Variants in ABCA9 observed in about 807,000 individuals in gnomAD.
The protein encoded by ABCA9 is ATP-binding cassette sub-family A member 9.
A neutral mutation model predicts 205.3 loss-of-function variants in ABCA9; 183 were observed. The ratio of observed to expected loss-of-function variants is 0.89; its 90% CI spans 0.79 to 1.01. ABCA9 has a LOEUF of 1.01. ABCA9 is among the 50% of genes least tolerant of loss of function. ABCA9 has a pLI of 0.00. For missense variants in ABCA9, 1,805 were observed against 1,912.4 expected (o/e 0.94, Z 1.05); for synonymous variants, 651 against 683.3 (o/e 0.95, Z 0.74).
rs1308919235 is a variant in ABCA9 at position 68,994,732 on chromosome 17, T to G, written c.3555+1163A>C. Among the ~76,000 whole-genome samples, 4 of 152,312 alleles carry G rather than the reference T, an allele frequency of 2.6e-5. No homozygotes were observed. In the East Asian group the frequency reaches 7.7e-4, roughly 29 times the overall value. On this transcript the variant is annotated intron_variant, in intron 26 of 38. Transcript: ENST00000340001. ...TTCATATTCTCTGATTATAATTTCA[T>G]ATTAAGCATGTGGAATGTCCCTGCT...
chr17:68,992,329 A>G, intron 27 of ABCA9, 63 bp from the exon 28 acceptor site: 1 of 1,056,948 alleles, frequency 9.5e-7, no homozygotes, highest in Non-Finnish European at 1.3e-6. Flanking sequence ...TCAATATTGG[A>G]ATTGATTTAA....
At chr17:69,007,238 TA>T (rs2070176220) in intron 25 of ABCA9, among the ~76,000 whole-genome samples, 1 of 152,062 alleles carries the variant, frequency 6.6e-6, no homozygotes, top group Non-Finnish European at 1.5e-5. Flanking sequence ...CCGTCTCTAC[TA>T]AAAATACAAA....
In ABCA9 at chr17:68,975,877, G is replaced by A. The variant is rs1228979990; in HGVS notation, c.*38C>T. 1.4e-6 allele frequency: 2 copies of A among 1,462,390 alleles called. No individual in the cohort carries two copies. The highest frequency in any genetic ancestry group is 9.5e-7 in the Non-Finnish European group (1 of 1,053,288). 90.6% of individuals were successfully genotyped at this position (1,462,390 alleles called of 1,614,324 possible). On this transcript the variant is annotated 3_prime_UTR_variant, in exon 39 of 39. Transcript: ENST00000340001. ...GCTATAAAATATTATCTTTAAAAGA[G>A]TCACAGGATTAAAGAAAGATATAGG...
chr17:68,996,229 CT>C (rs1446795510), intron 25 of ABCA9, among the ~76,000 whole-genome samples: 1 of 152,184 alleles, frequency 6.6e-6, no homozygotes, highest in Non-Finnish European at 1.5e-5. Context: ...AGTGATGCTT[CT>C]CAATCTCAAT....
intron 8 of ABCA9, 88 bp downstream of exon 8, chr17:69,035,158 G>A: frequency 9.0e-7 from 1 of 1,113,500 alleles, no homozygotes; most frequent in Non-Finnish European, 1.2e-6. Flanking sequence ...TTATAGAATG[G>A]AATGCTTAGA....
chr17:69,006,250 G>T (rs2070122125), intron 25 of ABCA9, among the ~76,000 whole-genome samples: 1 of 152,188 alleles, frequency 6.6e-6, no homozygotes, highest in South Asian at 2.1e-4. Flanking sequence ...TGAACATAAA[G>T]TTGAATACAT....
intron 1 of ABCA9, among the ~76,000 whole-genome samples, chr17:69,054,578 G>C (rs1451495425): frequency 6.7e-6 from 1 of 149,536 alleles, no homozygotes; most frequent in Non-Finnish European, 1.5e-5. Context: ...TAAAGAAAAA[G>C]CATGAGAGAA....
At chr17:69,050,533 A>G (rs957486361) in intron 2 of ABCA9, among the ~76,000 whole-genome samples, 2 of 152,202 alleles carry the variant, frequency 1.3e-5, no homozygotes, top group Admixed American at 1.3e-4. Context: ...GAAGTAAAAG[A>G]TCACAATACT....
chr17:69,029,362 G>C, intron 10 of ABCA9, 135 bp from the exon 11 acceptor site: 2 of 550,896 alleles, frequency 3.6e-6, no homozygotes, highest in Non-Finnish European at 3.1e-6. Flanking sequence ...AAGAAAATCT[G>C]GGGATTATTT....
chr17:68,994,538 T>A (rs2069554717), intron 26 of ABCA9, among the ~76,000 whole-genome samples: 1 of 152,208 alleles, frequency 6.6e-6, no homozygotes, highest in Non-Finnish European at 1.5e-5. Flanking sequence ...TCCATCCTAA[T>A]GACCTACGTT....
chr17:69,025,114 A>G (rs1167253422), intron 16 of ABCA9, among the ~76,000 whole-genome samples: 4 of 152,184 alleles, frequency 2.6e-5, no homozygotes, highest in Non-Finnish European at 5.9e-5. Context: ...TACCTTCTCT[A>G]AAGAAGCTTC....
At chr17:69,016,774 G>A (rs2070631871) in intron 21 of ABCA9, among the ~76,000 whole-genome samples, 1 of 152,048 alleles carries the variant, frequency 6.6e-6, no homozygotes, top group African/African-American at 2.4e-5. Context: ...TTGAGAAATA[G>A]GAGGCAGGCA....
chr17:69,041,609 C>G (rs1338089528), intron 6 of ABCA9, among the ~76,000 whole-genome samples: 1 of 151,964 alleles, frequency 6.6e-6, no homozygotes, highest in Non-Finnish European at 1.5e-5. Flanking sequence ...GAGGTTGAGG[C>G]AGAAGAATCA....
chr17:69,011,652 T>G (rs73370038), intron 23 of ABCA9, among the ~76,000 whole-genome samples: 2,117 of 152,262 alleles, frequency 0.014, 38 homozygotes, highest in African/African-American at 0.046. Context: ...TAGCACCATC[T>G]GGAAAGTAGA....
chr17:69,018,342 G>A lies in ABCA9; in HGVS notation c.2767+71C>T, dbSNP rs531792772. On this transcript the variant is annotated intron_variant, in intron 20 of 38. Coordinates refer to ENST00000340001, the MANE Select transcript of ABCA9 (RefSeq NM_080283.4). ...TACAGAGTTTATTTTTTTCTTGGCT[G>A]TTCATGTTTTTTGGGGGGAATCTCT... 7.8e-4 allele frequency: 1,018 copies of A among 1,308,678 alleles called. 2 individuals are homozygous for A. Among genetic ancestry groups the A allele is most frequent in the Admixed American group, 2.1e-3 (76 of 35,516 alleles). The allele number at this position is 1,308,678 out of a possible 1,614,324, so 81.1% of individuals were successfully genotyped here.
At chr17:69,010,076 A>G (rs1398760914) in intron 23 of ABCA9, among the ~76,000 whole-genome samples, 1 of 152,038 alleles carries the variant, frequency 6.6e-6, no homozygotes, top group Non-Finnish European at 1.5e-5. Flanking sequence ...AAGGTGATCC[A>G]TTATTTATAG....
chr17:69,009,913 A>G (rs1015199903), intron 23 of ABCA9, among the ~76,000 whole-genome samples: 1 of 152,172 alleles, frequency 6.6e-6, no homozygotes, highest in Non-Finnish European at 1.5e-5. Context: ...TTGAGTATAA[A>G]TATGTCCCAT....
At position 69,018,520 on chromosome 17, in the gene ABCA9, G is replaced by T. The variant is rs1157711265; in HGVS notation, c.2660C>A (p.Ser887Ter). The T allele has an allele frequency of 1.2e-6, 2 of 1,608,564 alleles. No individual in the cohort carries two copies. The highest frequency in any genetic ancestry group is 1.1e-5 in the South Asian group (1 of 90,340). The change falls in exon 20 of 39, where the codon TCA becomes TAA. Residue 887 changes from serine (S) to a stop codon, truncating the protein, a stop_gained. Coordinates refer to ENST00000340001, the MANE Select transcript of ABCA9 (RefSeq NM_080283.4). LOFTEE classifies it high-confidence loss of function. The stretch of plus-strand genomic sequence containing the variant: ...TTCCCACGGGTAACTTTTCTGATAT[G>T]ACTCGTAGAATAGATGTTCCAAAAG... ...PQLLEHLFYE[S>*]YQKSYPWELS...
chr17:69,053,734 A>G (rs1266360613), intron 1 of ABCA9, among the ~76,000 whole-genome samples: 1 of 152,028 alleles, frequency 6.6e-6, no homozygotes, highest in African/African-American at 2.4e-5. Context: ...GGAATACCAA[A>G]AAGAGAGAAA....
Sources: gnomAD v4.1 joint callset for allele counts (sites outside exome capture counted in the v4.1 genomes callset) on GRCh38, gnomAD v4.1.1 for gene constraint, MANE v1.5 for transcripts, NCBI Gene and HGNC (gene_info 2026-07-23, HGNC 2026-07-21) for gene names.